Variants in HAPLN1 observed in about 807,000 individuals in gnomAD.
HAPLN1 encodes the protein hyaluronan and proteoglycan link protein 1.
Under a neutral mutation model 36.5 loss-of-function variants are expected in HAPLN1, and 13 were observed. The ratio of observed to expected loss-of-function variants is 0.36; its 90% CI spans 0.23 to 0.57. The LOEUF (loss-of-function observed/expected upper bound fraction) is 0.57. Among genes scored for constraint, HAPLN1 ranks in the 20% least tolerant of loss-of-function variants. The pLI, the probability that HAPLN1 is intolerant of heterozygous loss-of-function variation, is 0.83. For synonymous variants in HAPLN1, 202 were observed against 169.8 expected (o/e 1.19, Z -1.48); for missense variants, 407 against 439.7 (o/e 0.93, Z 0.66).
intron 2 of HAPLN1, among the ~76,000 whole-genome samples, chr5:83,672,221 T>C (rs1750746224): frequency 6.6e-6 from 1 of 152,226 alleles, no homozygotes; most frequent in Non-Finnish European, 1.5e-5. Flanking sequence ...CTATTTTGGC[T>C]GAATTGAATT....
At position 83,688,642 on chromosome 5, in the gene HAPLN1, C is replaced by CTTTTTT. The variant is rs539790396; in HGVS notation, c.-26-15099_-26-15094dup. 9.3e-4 allele frequency among the ~76,000 whole-genome samples: 75 copies of CTTTTTT among 80,594 alleles called. 3 individuals carry two copies. Among genetic ancestry groups the CTTTTTT allele is most frequent in the African/African-American group, 1.8e-3 (34 of 19,104 alleles). 52.9% of individuals were successfully genotyped at this position (80,594 alleles called of 152,430 possible). ...TATTTGCCAAATGCAGCTTTTGATT[C>CTTTTTT]TTTTTTTTTTTTTTTTTTTTTTTTT... On this transcript the variant is annotated intron_variant, in intron 1 of 4. Coordinates refer to ENST00000274341, the MANE Select transcript of HAPLN1 (RefSeq NM_001884.4).
intron 1 of HAPLN1, among the ~76,000 whole-genome samples, chr5:83,675,885 C>G (rs781122163): frequency 6.6e-6 from 1 of 152,160 alleles, no homozygotes; most frequent in African/African-American, 2.4e-5. Flanking sequence ...AGGTACACAT[C>G]TAGTAAGTGG....
intron 2 of HAPLN1, among the ~76,000 whole-genome samples, chr5:83,667,180 G>A (rs895718973): frequency 3.9e-4 from 60 of 152,056 alleles, no homozygotes; most frequent in African/African-American, 1.4e-3. Flanking sequence ...CAATATATGA[G>A]CATTTTTACA....
chr5:83,692,903 C>T (rs1225534744), intron 1 of HAPLN1, among the ~76,000 whole-genome samples: 1 of 151,838 alleles, frequency 6.6e-6, no homozygotes, highest in Non-Finnish European at 1.5e-5. Context: ...TATATTAATA[C>T]TTTACATGAA....
intron 1 of HAPLN1, among the ~76,000 whole-genome samples, chr5:83,694,187 T>TA (rs1312435791): frequency 2.6e-5 from 4 of 151,902 alleles, no homozygotes; most frequent in Non-Finnish European, 5.9e-5. Context: ...CACAAAATTT[T>TA]AAATAACCCA....
intron 1 of HAPLN1, among the ~76,000 whole-genome samples, chr5:83,706,846 C>T (rs181597574): frequency 2.0e-4 from 31 of 152,270 alleles, no homozygotes; most frequent in Non-Finnish European, 3.4e-4. Flanking sequence ...AGTTCTGTCT[C>T]AAAATCTCCT....
chr5:83,700,459 C>T (rs1258902548), intron 1 of HAPLN1, among the ~76,000 whole-genome samples: 2 of 152,010 alleles, frequency 1.3e-5, no homozygotes, highest in Non-Finnish European at 2.9e-5. Flanking sequence ...ACCTCTCATC[C>T]TCACCATGGA....
At chr5:83,707,181 G>T (rs1166891964) in intron 1 of HAPLN1, among the ~76,000 whole-genome samples, 1 of 152,162 alleles carries the variant, frequency 6.6e-6, no homozygotes, top group African/African-American at 2.4e-5. Context: ...TAGATTCATT[G>T]CTATTCCTAT....
At chr5:83,712,562 A>G (rs1163529757) in intron 1 of HAPLN1, among the ~76,000 whole-genome samples, 1 of 152,064 alleles carries the variant, frequency 6.6e-6, no homozygotes, top group East Asian at 1.9e-4. Context: ...TATTTAGATC[A>G]TCTTTTTAAT....
At chr5:83,651,640 G>C (rs192667570) in intron 3 of HAPLN1, among the ~76,000 whole-genome samples, 1 of 54,358 alleles carries the variant, frequency 1.8e-5, no homozygotes, top group Non-Finnish European at 3.6e-5. Flanking sequence ...CGTACACTTA[G>C]AGTTTTATGT....
At chr5:83,679,624 C>T (rs1413892495) in intron 1 of HAPLN1, among the ~76,000 whole-genome samples, 1 of 152,100 alleles carries the variant, frequency 6.6e-6, no homozygotes, top group Non-Finnish European at 1.5e-5. Context: ...TACTTATCAT[C>T]GAACCAGGCA....
In HAPLN1 at chr5:83,661,435, C is replaced by CTTTTTTTTTTTTT. The variant is rs56005008; in HGVS notation, c.101-8624_101-8612dup. Among the ~76,000 whole-genome samples the CTTTTTTTTTTTTT allele has an allele frequency of 1.5e-3, 96 of 62,980 alleles. 12 individuals are homozygous for CTTTTTTTTTTTTT. The highest frequency in any genetic ancestry group is 6.0e-3 in the African/African-American group (89 of 14,854). 41.3% of individuals were successfully genotyped at this position (62,980 alleles called of 152,430 possible). A position where few individuals can be genotyped will look rare whatever the true frequency, so the allele number is the denominator to read the frequency against. Reference sequence around the variant, plus strand: ...CAATGGTGGTCTGTGAGAAAAGCTTCTTTTTTTTTTTTTTTTTTTTTTTTT... The same window carrying CTTTTTTTTTTTTT: ...CAATGGTGGTCTGTGAGAAAAGCTTCTTTTTTTTTTTTTTTTTTTTTTTTTTTTTTTTTTTTTT... On this transcript the variant is annotated intron_variant, in intron 2 of 4. Coordinates refer to ENST00000274341, the MANE Select transcript of HAPLN1 (RefSeq NM_001884.4).
intron 2 of HAPLN1, among the ~76,000 whole-genome samples, chr5:83,664,429 C>T (rs1245051411): frequency 6.6e-6 from 1 of 152,100 alleles, no homozygotes; most frequent in East Asian, 1.9e-4. Context: ...ATCACCCAGG[C>T]TGGAGTGCAG....
In HAPLN1 at chr5:83,641,736, C is replaced by A. The variant is rs758171654; in HGVS notation, c.825G>T (p.Ala275=). The A allele has an allele frequency of 1.9e-6, 3 of 1,613,978 alleles. No individual in the cohort carries two copies. Among genetic ancestry groups the A allele is most frequent in the Non-Finnish European group, 2.5e-6 (3 of 1,180,034 alleles). ...IHPTKLTYDE[A]VQACLNDGAQ... ...CACCATCATTGAGACAAGCTTGCAC[C>A]GCTTCATCATAGGTCAGTTTGGTGG... Residue 275 remains alanine (A), a synonymous_variant, in exon 5 of 5, where the codon GCG becomes GCT. Transcript: ENST00000274341.
At position 83,640,446 on chromosome 5, in the gene HAPLN1, C is replaced by G. The variant is rs1749649979; in HGVS notation, c.*1050G>C. ...CAAACACAGGCACTGGTTGGGTTCT[C>G]TCGTGTATATACAAATAGGAATAAT... On this transcript the variant is annotated 3_prime_UTR_variant, in exon 5 of 5. Coordinates refer to ENST00000274341, the MANE Select transcript of HAPLN1 (RefSeq NM_001884.4). The G allele has an allele frequency of 6.6e-6, 1 of 152,030 alleles. No homozygotes were observed. Among genetic ancestry groups the G allele is most frequent in the Non-Finnish European group, 1.5e-5 (1 of 67,984 alleles). The allele number at this position is 152,030 out of a possible 1,614,324, so 9.4% of individuals were successfully genotyped here.
chr5:83,673,182 C>T lies in HAPLN1; in HGVS notation c.100+242G>A, dbSNP rs887049897. Among the ~76,000 whole-genome samples the T allele has an allele frequency of 3.3e-5, 5 of 152,130 alleles. No homozygotes were observed. In the South Asian group the frequency reaches 6.2e-4, roughly 19 times the overall value. On this transcript the variant is annotated intron_variant, in intron 2 of 4. Transcript: ENST00000274341. ...AGCAACTGCACTTAACAGCCTTGAA[C>T]GATTATACCAACTCACTGCAGCTGG...
chr5:83,648,552 G>T (rs899828596), intron 3 of HAPLN1, among the ~76,000 whole-genome samples: 4 of 150,500 alleles, frequency 2.7e-5, no homozygotes, highest in Admixed American at 2.6e-4. Context: ...TAGGCTACAT[G>T]AAGAATTTTT....
intron 1 of HAPLN1, among the ~76,000 whole-genome samples, chr5:83,706,407 G>A (rs1751653048): frequency 6.6e-6 from 1 of 152,144 alleles, no homozygotes; most frequent in South Asian, 2.1e-4. Context: ...TTATACCCAC[G>A]ATTTAAGGCT....
intron 3 of HAPLN1, among the ~76,000 whole-genome samples, chr5:83,650,638 T>C (rs957642520): frequency 1.4e-3 from 202 of 147,686 alleles, no homozygotes; most frequent in African/African-American, 4.9e-3. Flanking sequence ...TTTTCTTTTT[T>C]TTTTTTTTTT....
Sources: allele counts gnomAD v4.1 joint callset (sites outside exome capture counted in the v4.1 genomes callset), GRCh38; gene constraint gnomAD v4.1.1; transcripts MANE v1.5; gene names NCBI Gene and HGNC (gene_info 2026-07-23, HGNC 2026-07-21).